Variants in ATF6 observed in about 807,000 individuals in gnomAD.
ATF6 encodes activating transcription factor 6, also known as cyclic AMP-dependent transcription factor ATF-6 alpha.
In ATF6, 53 loss-of-function variants were observed where a neutral mutation model predicts 83.6. That is an observed-to-expected ratio of 0.63 (90% CI 0.51 to 0.80). The LOEUF (loss-of-function observed/expected upper bound fraction) is 0.80, where lower values mean the gene tolerates loss of function less well. Among genes scored for constraint, ATF6 ranks in the 30% least tolerant of loss-of-function variants. The probability of loss-of-function intolerance (pLI) is 0.00; values close to 1 mark genes in which losing one functional copy is unlikely to be tolerated. For missense variants in ATF6, 744 were observed against 797.9 expected (o/e 0.93, Z 0.81); for synonymous variants, 288 against 285.8 (o/e 1.01, Z -0.08).
chr1:161,901,396 T>A (rs1379747321), intron 14 of ATF6, among the ~76,000 whole-genome samples: 4 of 150,836 alleles, frequency 2.7e-5, no homozygotes, highest in African/African-American at 9.7e-5. Flanking sequence ...GAAATAAAAA[T>A]TAAGAAATGT....
intron 14 of ATF6, among the ~76,000 whole-genome samples, chr1:161,894,895 A>G (rs761218883): frequency 6.6e-6 from 1 of 151,700 alleles, no homozygotes; most frequent in Non-Finnish European, 1.5e-5. Flanking sequence ...TAGAATTCTT[A>G]CCAAGTAGTC....
intron 12 of ATF6, among the ~76,000 whole-genome samples, chr1:161,857,150 T>C (rs74125027): frequency 5.6e-4 from 85 of 152,304 alleles, no homozygotes; most frequent in African/African-American, 2.0e-3. Context: ...TTTCTTGGTG[T>C]AAAGAGCCTG....
chr1:161,791,364 C>G, intron 4 of ATF6, 44 bp from the exon 5 acceptor site: 9 of 1,538,916 alleles, frequency 5.8e-6, no homozygotes, highest in Non-Finnish European at 7.8e-6. Context: ...CAATTTGCTG[C>G]TTAAGGATTA....
At chr1:161,814,318 TG>T (rs1685556398) in intron 7 of ATF6, among the ~76,000 whole-genome samples, 1 of 152,220 alleles carries the variant, frequency 6.6e-6, no homozygotes. Context: ...GCTGTGCCCA[TG>T]GTGTGGCTTT....
chr1:161,901,494 C>CA (rs771638813), intron 14 of ATF6, among the ~76,000 whole-genome samples: 2,631 of 109,232 alleles, frequency 0.024, 29 homozygotes, highest in Non-Finnish European at 0.026. Flanking sequence ...TCTCCCAAAG[C>CA]AAAAAAAAAA....
At chr1:161,941,504 G>A (rs1434452307) in intron 15 of ATF6, among the ~76,000 whole-genome samples, 1 of 152,192 alleles carries the variant, frequency 6.6e-6, no homozygotes, top group African/African-American at 2.4e-5. Context: ...TCCCAAGAAA[G>A]GTAGGTTCTC....
intron 9 of ATF6, among the ~76,000 whole-genome samples, chr1:161,833,682 G>A (rs1249125231): frequency 6.6e-6 from 1 of 152,136 alleles, no homozygotes; most frequent in Admixed American, 6.5e-5. Context: ...TGAATGAAAT[G>A]AAGCATGAAG....
intron 6 of ATF6, among the ~76,000 whole-genome samples, chr1:161,798,014 T>G (rs1685060786): frequency 6.6e-6 from 1 of 152,132 alleles, no homozygotes. Context: ...GAAATAAAGC[T>G]GCACCCCTGC....
chr1:161,826,269 A>T (rs76628156), intron 9 of ATF6, among the ~76,000 whole-genome samples: 21,705 of 152,108 alleles, frequency 0.14, 2,113 homozygotes, highest in East Asian at 0.31. Context: ...TTTAGGAAAG[A>T]AAAGACTGGA....
chr1:161,848,869 T>C (rs535651714), intron 10 of ATF6, among the ~76,000 whole-genome samples: 3 of 152,270 alleles, frequency 2.0e-5, no homozygotes, highest in Admixed American at 2.0e-4. Flanking sequence ...AGATTGTATG[T>C]TGGCTGATTT....
chr1:161,887,821 T>C (rs1236519401), intron 14 of ATF6, among the ~76,000 whole-genome samples: 1 of 152,210 alleles, frequency 6.6e-6, no homozygotes, highest in Non-Finnish European at 1.5e-5. Flanking sequence ...GTGTCAGTTA[T>C]TGGCACCAGT....
At chr1:161,798,726 A>G (rs1472701959) in intron 6 of ATF6, among the ~76,000 whole-genome samples, 1 of 152,206 alleles carries the variant, frequency 6.6e-6, no homozygotes, top group African/African-American at 2.4e-5. Context: ...CAAAGGTCTA[A>G]TCTCCAGAAT....
rs771128039 is a variant in ATF6 at position 161,821,071 on chromosome 1, AC to A, written c.1099del (p.Gln367ArgfsTer15). ...ATTTAATGTGGTCATTTCCTTTAGA[AC>A]CAGAGGCTTAAAGTCCCTAGTCCAA... ...KRQLDEVVSENQRLKVPSPKR... is the reference protein window; with the variant it reads ...KRQLDEVVSEXQRLKVPSPKR... On this transcript the variant is annotated frameshift_variant and splice_region_variant, in exon 9 of 16. Transcript: ENST00000367942. LOFTEE classifies it high-confidence loss of function. The A allele has an allele frequency of 1.2e-6, 2 of 1,603,138 alleles. No individual in the cohort carries two copies. The highest frequency in any genetic ancestry group is 2.2e-5 in the South Asian group (2 of 89,080).
chr1:161,844,336 AG>A (rs544195282), intron 9 of ATF6, among the ~76,000 whole-genome samples: 335 of 152,300 alleles, frequency 2.2e-3, no homozygotes, highest in African/African-American at 7.7e-3. Flanking sequence ...GCCTGGGGTA[AG>A]GGGGATGTTA....
chr1:161,835,795 C>T (rs1209588702), intron 9 of ATF6, among the ~76,000 whole-genome samples: 1 of 152,156 alleles, frequency 6.6e-6, no homozygotes, highest in African/African-American at 2.4e-5. Context: ...TTATAGATTC[C>T]TTTGTTATGT....
intron 6 of ATF6, among the ~76,000 whole-genome samples, chr1:161,798,846 A>C (rs565446720): frequency 2.0e-5 from 3 of 152,252 alleles, no homozygotes; most frequent in Admixed American, 6.5e-5. Context: ...ATATGAAAAA[A>C]TGCTCAACAT....
intron 15 of ATF6, among the ~76,000 whole-genome samples, chr1:161,914,666 A>G (rs2101890441): frequency 6.6e-6 from 1 of 151,632 alleles, no homozygotes; most frequent in Non-Finnish European, 1.5e-5. Context: ...TAAAACTCAC[A>G]CTCCAACTAC....
At chr1:161,848,599 G>A (rs562040842) in intron 10 of ATF6, among the ~76,000 whole-genome samples, 1 of 152,192 alleles carries the variant, frequency 6.6e-6, no homozygotes, top group East Asian at 1.9e-4. Flanking sequence ...AAGAAGGAAA[G>A]GTAGTGCTAG....
chr1:161,807,010 ATG>A (rs1685299680), intron 7 of ATF6, among the ~76,000 whole-genome samples: 1 of 152,074 alleles, frequency 6.6e-6, no homozygotes, highest in African/African-American at 2.4e-5. Context: ...AGAATCTACC[ATG>A]TGTATAGCAA....
Sources: allele counts gnomAD v4.1 joint callset (sites outside exome capture counted in the v4.1 genomes callset), GRCh38; gene constraint gnomAD v4.1.1; transcripts MANE v1.5; gene names NCBI Gene and HGNC (gene_info 2026-07-23, HGNC 2026-07-21).